TMEM132D: variants seen among roughly 807,000 people sequenced by gnomAD.
TMEM132D encodes the protein mature OL transmembrane protein.
In TMEM132D, 21 loss-of-function variants were observed where a neutral mutation model predicts 62.3. The ratio of observed to expected loss-of-function variants is 0.34; its 90% confidence interval spans 0.24 to 0.49. The LOEUF (loss-of-function observed/expected upper bound fraction) is 0.49. Ranked by LOEUF, TMEM132D falls within the 20% of genes least tolerant of loss-of-function variation. The pLI is 0.99. For missense variants in TMEM132D, 1,346 were observed against 1,402.8 expected (o/e 0.96, Z 0.65); for synonymous variants, 621 against 575.6 (o/e 1.08, Z -1.13).
chr12:129,643,336 C>T (rs1249755806), intron 2 of TMEM132D, among the ~76,000 whole-genome samples: 1 of 152,172 alleles, frequency 6.6e-6, no homozygotes, highest in Non-Finnish European at 1.5e-5. Context: ...GTTTGGCAAA[C>T]TACAGCCCAC....
Position 129,371,440 on chromosome 12 carries a change from T to C in TMEM132D, c.1116-33623A>G, listed in dbSNP as rs1870597185. 6.6e-6 allele frequency among the ~76,000 whole-genome samples: 1 copy of C among 151,384 alleles called. No individual in the cohort carries two copies. The highest frequency in any genetic ancestry group is 2.4e-5 in the African/African-American group (1 of 41,066). On this transcript the variant is annotated intron_variant, in intron 3 of 8. Transcript: ENST00000422113. This position sits in a 1 kb window ranked among gnomAD's most constrained non-coding sequence, Gnocchi z 4.3. ...ATGGTGATAATGGAGATGATGATGATGTGATATTGATGATGGTGGTAATGA... is the reference window on the plus strand; with the variant it reads ...ATGGTGATAATGGAGATGATGATGACGTGATATTGATGATGGTGGTAATGA...
At chr12:129,448,643 T>C (rs996276528) in intron 3 of TMEM132D, among the ~76,000 whole-genome samples, 2 of 152,224 alleles carry the variant, frequency 1.3e-5, no homozygotes, top group Non-Finnish European at 2.9e-5. Context: ...AGCATTTACG[T>C]TGATTCCAAT....
At chr12:129,837,040 C>G (rs1288463755) in intron 1 of TMEM132D, among the ~76,000 whole-genome samples, 1 of 152,178 alleles carries the variant, frequency 6.6e-6, no homozygotes, top group Non-Finnish European at 1.5e-5. Context: ...CAAAGACACT[C>G]TCTAGGAAAC....
At chr12:129,169,340 C>A (rs1403772374) in intron 5 of TMEM132D, among the ~76,000 whole-genome samples, 5 of 150,928 alleles carry the variant, frequency 3.3e-5, no homozygotes, top group Non-Finnish European at 4.4e-5. Flanking sequence ...GCAGAAAACA[C>A]AACTGTGAGA....
intron 5 of TMEM132D, among the ~76,000 whole-genome samples, chr12:129,185,773 GTCTA>G (rs1555235284): frequency 7.8e-4 from 106 of 136,010 alleles, no homozygotes; most frequent in Middle Eastern, 3.6e-3. Flanking sequence ...CTGTCTGTCT[GTCTA>G]TCTATCTATC....
At chr12:129,355,731 G>C (rs532531338) in intron 3 of TMEM132D, among the ~76,000 whole-genome samples, 2 of 152,234 alleles carry the variant, frequency 1.3e-5, no homozygotes, top group South Asian at 4.2e-4. Flanking sequence ...CTTCACACTG[G>C]CTTCAATGTG....
chr12:129,410,649 C>T (rs1233033838), intron 3 of TMEM132D, among the ~76,000 whole-genome samples: 2 of 152,198 alleles, frequency 1.3e-5, no homozygotes, highest in African/African-American at 4.8e-5. Flanking sequence ...TGAGCCACCA[C>T]CGTGCCTGGC....
intron 3 of TMEM132D, among the ~76,000 whole-genome samples, chr12:129,354,487 T>C (rs1292481584): frequency 6.6e-6 from 1 of 151,688 alleles, no homozygotes; most frequent in Non-Finnish European, 1.5e-5. Flanking sequence ...CCACGCCCGG[T>C]TAATTTTTGT....
chr12:129,801,650 C>A (rs1267395352), intron 1 of TMEM132D, among the ~76,000 whole-genome samples: 1 of 151,828 alleles, frequency 6.6e-6, no homozygotes, highest in Non-Finnish European at 1.5e-5. Flanking sequence ...TCCAAAGGAA[C>A]GCAGTTCCTC....
At chr12:129,486,428 T>C (rs1280751756) in intron 3 of TMEM132D, among the ~76,000 whole-genome samples, 1 of 152,164 alleles carries the variant, frequency 6.6e-6, no homozygotes, top group African/African-American at 2.4e-5. Flanking sequence ...CGGGTGGGCC[T>C]GTGTGTTTAC....
At chr12:129,799,308 T>C (rs191882884) in intron 1 of TMEM132D, among the ~76,000 whole-genome samples, 3 of 152,032 alleles carry the variant, frequency 2.0e-5, no homozygotes, top group Non-Finnish European at 2.9e-5. Flanking sequence ...ACAAAAAATA[T>C]ATATATACAC....
At chr12:129,297,287 C>T (rs980160664) in intron 4 of TMEM132D, among the ~76,000 whole-genome samples, 1 of 152,194 alleles carries the variant, frequency 6.6e-6, no homozygotes, top group Non-Finnish European at 1.5e-5. Flanking sequence ...GTCCAGTTCT[C>T]TCATCCTGAC....
chr12:129,673,703 G>T (rs1481959594), intron 2 of TMEM132D, among the ~76,000 whole-genome samples: 1 of 152,146 alleles, frequency 6.6e-6, no homozygotes, highest in Non-Finnish European at 1.5e-5. Flanking sequence ...GCACCTGCAG[G>T]CTCTGACACT....
chr12:129,839,520 C>T (rs1004063013), intron 1 of TMEM132D, among the ~76,000 whole-genome samples: 8 of 152,074 alleles, frequency 5.3e-5, no homozygotes, highest in Non-Finnish European at 1.0e-4. Flanking sequence ...GCCTCAGCCT[C>T]CCAAAGTGCT....
At chr12:129,660,741 T>C (rs1880217107) in intron 2 of TMEM132D, among the ~76,000 whole-genome samples, 1 of 152,044 alleles carries the variant, frequency 6.6e-6, no homozygotes, top group African/African-American at 2.4e-5. Flanking sequence ...AATACTCCTG[T>C]CTTGTGGGGC....
In TMEM132D at chr12:129,670,350, T is replaced by G. The variant is rs145594141; in HGVS notation, c.968+29460A>C. On this transcript the variant is annotated intron_variant, in intron 2 of 8. Coordinates refer to ENST00000422113, the MANE Select transcript of TMEM132D (RefSeq NM_133448.3). ...ATTAGAAATTATGGTTTGGGAGTTA[T>G]GCAGCTGGAGGCTACAAGATTCTGA... is the stretch of plus-strand genomic sequence containing the variant. 4.9e-4 allele frequency among the ~76,000 whole-genome samples: 75 copies of G among 152,346 alleles called. No individual in the cohort carries two copies. The South Asian group carries it at 8.1e-3, about 16-fold the overall frequency.
At chr12:129,379,252 A>T (rs954826347) in intron 3 of TMEM132D, among the ~76,000 whole-genome samples, 5 of 152,184 alleles carry the variant, frequency 3.3e-5, no homozygotes, top group Non-Finnish European at 7.3e-5. Flanking sequence ...TTACAGGCTT[A>T]ATCACTGTAC....
chr12:129,138,210 T>C (rs563823083), intron 5 of TMEM132D, among the ~76,000 whole-genome samples: 44 of 152,222 alleles, frequency 2.9e-4, no homozygotes, highest in Non-Finnish European at 5.9e-4. Context: ...AGGCATTCCA[T>C]TTTCTAAGAG....
At chr12:129,173,999 G>A (rs1038321163) in intron 5 of TMEM132D, among the ~76,000 whole-genome samples, 5 of 152,098 alleles carry the variant, frequency 3.3e-5, no homozygotes, top group African/African-American at 4.8e-5. Context: ...AGGGAAATAC[G>A]AATTTATTTT....
Sources: gnomAD v4.1 joint callset for allele counts (sites outside exome capture counted in the v4.1 genomes callset) on GRCh38, gnomAD v4.1.1 for gene constraint, Gnocchi (gnomAD v3.1) non-coding constraint, MANE v1.5 for transcripts, NCBI Gene and HGNC (gene_info 2026-07-23, HGNC 2026-07-21) for gene names.